Variants in ANK3 observed in about 807,000 individuals in gnomAD.
ANK3 encodes ankyrin 3.
ANK3 carries 57 observed loss-of-function variants against 370.9 expected under a neutral mutation model. The ratio of observed to expected loss-of-function variants is 0.15; its 90% confidence interval spans 0.12 to 0.19. The LOEUF (loss-of-function observed/expected upper bound fraction) is 0.19. Among genes scored for constraint, ANK3 ranks in the 10% least tolerant of loss-of-function variants. The pLI, the probability that ANK3 is intolerant of heterozygous loss-of-function variation, is 1.00. For missense variants in ANK3, 4,439 were observed against 5,302.1 expected (o/e 0.84, Z 5.06); for synonymous variants, 1,929 against 1,946.3 (o/e 0.99, Z 0.23).
intron 1 of ANK3, among the ~76,000 whole-genome samples, chr10:60,625,295 T>C (rs892599520): frequency 6.6e-6 from 1 of 152,138 alleles, no homozygotes; most frequent in African/African-American, 2.4e-5. Context: ...CACAGAGCCA[T>C]GAGAGATGAT....
chr10:60,640,051 C>G (rs182165789), intron 1 of ANK3, among the ~76,000 whole-genome samples: 10 of 151,772 alleles, frequency 6.6e-5, no homozygotes, highest in Admixed American at 1.3e-4. Flanking sequence ...CAAAAAAAAG[C>G]CAAAAAGGCT....
At chr10:60,597,228 T>C (rs1046032730) in intron 2 of ANK3, among the ~76,000 whole-genome samples, 1 of 152,164 alleles carries the variant, frequency 6.6e-6, no homozygotes, top group Non-Finnish European at 1.5e-5. Context: ...GGAATCCCTA[T>C]GAATTCTCCC....
At chr10:60,375,443 T>C (rs1255107475) in intron 1 of ANK3, among the ~76,000 whole-genome samples, 1 of 151,186 alleles carries the variant, frequency 6.6e-6, no homozygotes, top group Non-Finnish European at 1.5e-5. Context: ...CAAGCAGCAC[T>C]GCCAGTGGGA....
At chr10:60,142,125 T>G (rs779516746) in intron 23 of ANK3, among the ~76,000 whole-genome samples, 12 of 152,168 alleles carry the variant, frequency 7.9e-5, no homozygotes, top group African/African-American at 2.9e-4. Context: ...GATGCAATGT[T>G]CCTTCCACTG....
At chr10:60,217,806 C>G (rs2096965391) in intron 8 of ANK3, among the ~76,000 whole-genome samples, 1 of 152,142 alleles carries the variant, frequency 6.6e-6, no homozygotes. Flanking sequence ...TCCTGACTAT[C>G]CTTGTTAATT....
intron 42 of ANK3, among the ~76,000 whole-genome samples, chr10:60,050,015 G>T (rs2077626968): frequency 6.6e-6 from 1 of 152,172 alleles, no homozygotes; most frequent in African/African-American, 2.4e-5. Context: ...AAGCATAAAA[G>T]ACAAGTTCGA....
intron 2 of ANK3, among the ~76,000 whole-genome samples, chr10:60,561,551 C>T (rs1453606944): frequency 6.6e-6 from 1 of 152,186 alleles, no homozygotes; most frequent in Non-Finnish European, 1.5e-5. Flanking sequence ...TATCATGTAT[C>T]CCCAGCTAAC....
intron 1 of ANK3, among the ~76,000 whole-genome samples, chr10:60,655,196 CTATT>C (rs917308635): frequency 6.6e-6 from 1 of 151,074 alleles, no homozygotes; most frequent in African/African-American, 2.4e-5. Flanking sequence ...GAGCATACTC[CTATT>C]TATTTAAAAA....
intron 2 of ANK3, among the ~76,000 whole-genome samples, chr10:60,578,125 C>T (rs1050889438): frequency 3.3e-5 from 5 of 152,176 alleles, no homozygotes; most frequent in Non-Finnish European, 2.9e-5. Flanking sequence ...AGGTCCATAG[C>T]AGGATTTTCC....
chr10:60,480,435 T>C (rs1482327168), intron 2 of ANK3, among the ~76,000 whole-genome samples: 3 of 151,918 alleles, frequency 2.0e-5, no homozygotes, highest in African/African-American at 7.3e-5. Context: ...GGCCCAGAGA[T>C]CTGGGAACAT....
chr10:60,613,952 T>C (rs2078234754), intron 2 of ANK3, among the ~76,000 whole-genome samples: 1 of 152,124 alleles, frequency 6.6e-6, no homozygotes, highest in African/African-American at 2.4e-5. Flanking sequence ...TGTGTGCCTA[T>C]ATTTCCAGCT....
chr10:60,082,213 A>G (rs747644202), intron 34 of ANK3, 37 bp from the exon 35 acceptor site: 2 of 1,564,652 alleles, frequency 1.3e-6, no homozygotes, highest in African/African-American at 2.7e-5. Flanking sequence ...GACAAGGAAT[A>G]TTATAATGGA....
At position 60,491,249 on chromosome 10, in the gene ANK3, C is replaced by CT. The variant is rs200222863; in HGVS notation, c.96+123936dup. Among the ~76,000 whole-genome samples, 1,055 of 152,140 alleles carry CT rather than the reference C, an allele frequency of 6.9e-3. 7 individuals carry two copies. Among genetic ancestry groups the CT allele is most frequent in the African/African-American group, 0.024 (996 of 41,494 alleles). The stretch of plus-strand genomic sequence containing the variant: ...TTAAAATCAACATTTGTATATTAGT[C>CT]TTTTTGTAGAATGACTTGTGTTTGA... On this transcript the variant is annotated intron_variant, in intron 2 of 43. Transcript: ENST00000373827.
At position 60,073,034 on chromosome 10, in the gene ANK3, T is replaced by C. The variant is rs1439642182; in HGVS notation, c.7847A>G (p.Lys2616Arg). 1.2e-6 allele frequency: 2 copies of C among 1,614,180 alleles called. No homozygotes were observed. Among genetic ancestry groups the C allele is most frequent in the Non-Finnish European group, 1.7e-6 (2 of 1,180,016 alleles). Reference protein sequence around the residue: ...LQSPEKKARPKNGKEYSSQSP... With the variant: ...LQSPEKKARPRNGKEYSSQSP... The stretch of plus-strand genomic sequence containing the variant: ...TTGAGAAGAATATTCTTTGCCATTT[T>C]TAGGGCGTGCCTTTTTCTCTGGGGA... The change falls in exon 37 of 44, where the codon AAA (lysine) becomes AGA (arginine). Residue 2616 changes from lysine (K) to arginine (R), a missense_variant. By Grantham distance (26) the Lys-to-Arg change is conservative (BLOSUM62 2). Around this residue, in one of 13 missense-constraint regions of ANK3, gnomAD observed 1,601 missense variants for 1,731.7 expected, o/e 0.92. Transcript: ENST00000280772.
At chr10:60,133,031 T>C (rs2094171748) in intron 25 of ANK3, among the ~76,000 whole-genome samples, 1 of 152,212 alleles carries the variant, frequency 6.6e-6, no homozygotes, top group South Asian at 2.1e-4. Flanking sequence ...TAATAAAATA[T>C]ATATTGTAGG....
At chr10:60,624,465 C>T (rs1209356977) in intron 1 of ANK3, among the ~76,000 whole-genome samples, 1 of 152,112 alleles carries the variant, frequency 6.6e-6, no homozygotes, top group African/African-American at 2.4e-5. Context: ...CTCTTCTAGA[C>T]CCTGATCTGT....
At chr10:60,583,504 G>GTTTTTTTTTTTTTTTTTTTTTTT in intron 2 of ANK3, among the ~76,000 whole-genome samples, 1 of 131,950 alleles carries the variant, frequency 7.6e-6, no homozygotes, top group African/African-American at 2.8e-5. Context: ...TTACAGAGAG[G>GTTTTTTTTTTTTTTTTTTTTTTT]TTTTTTGTTT....
intron 8 of ANK3, among the ~76,000 whole-genome samples, chr10:60,229,441 C>T (rs1026656511): frequency 2.0e-5 from 3 of 152,124 alleles, no homozygotes; most frequent in African/African-American, 7.2e-5. Flanking sequence ...CAATCACATC[C>T]CTTGAAATAT....
At chr10:60,178,112 A>C (rs1247356032) in intron 18 of ANK3, among the ~76,000 whole-genome samples, 3 of 152,146 alleles carry the variant, frequency 2.0e-5, no homozygotes, top group Admixed American at 6.5e-5. Context: ...TCTCAGTGCA[A>C]ACAGGATAAA....
Sources: gnomAD v4.1 joint callset for allele counts (sites outside exome capture counted in the v4.1 genomes callset) on GRCh38, gnomAD v4.1.1 for gene constraint, gnomAD v4.1.1 regional missense constraint, MANE v1.5 for transcripts, NCBI Gene and HGNC (gene_info 2026-07-23, HGNC 2026-07-21) for gene names.